The following EMG1 variants were observed in gnomAD, a reference collection of about 807,000 sequenced individuals.
EMG1 encodes the protein ribosomal RNA small subunit methyltransferase NEP1.
Under a neutral mutation model 26.9 loss-of-function variants are expected in EMG1, and 24 were observed. That is an observed-to-expected ratio of 0.89 (90% CI 0.65 to 1.26). The LOEUF is 1.26. Ranked by LOEUF, EMG1 falls within the 50% of genes most tolerant of loss-of-function variation. The pLI, the probability that EMG1 is intolerant of heterozygous loss-of-function variation, is 0.00. For synonymous variants in EMG1, 140 were observed against 112.6 expected (o/e 1.24, Z -1.54); for missense variants, 299 against 307.6 (o/e 0.97, Z 0.21).
At chr12:6,983,358 A>G, downstream of EMG1, 1 of 979,916 alleles carries the variant, frequency 1.0e-6, no homozygotes, top group South Asian at 1.4e-5. Flanking sequence ...GATTCTCTCA[A>G]GGAAATTTTG....
Position 6,978,519 on chromosome 12 carries a change from T to C in EMG1, c.*2710T>C, listed in dbSNP as rs73264617. 13,183 of 1,611,936 alleles carry C rather than the reference T, an allele frequency of 8.2e-3. 761 individuals are homozygous for C. The African/African-American group carries it at 0.13, about 16-fold the overall frequency. On this transcript the variant is annotated 3_prime_UTR_variant, in exon 6 of 6. Transcript: ENST00000599672. ...ATGCATACTCCTTCCTGAGAGGGAA[T>C]AGCTCAGTTAGGGCTCTTGCCACTC... is the stretch of plus-strand genomic sequence containing the variant.
At position 6,975,761 on chromosome 12, in the gene EMG1, C is replaced by G. The variant is rs782280350; in HGVS notation, c.687C>G (p.Thr229=). 20 of 1,613,558 alleles carry G rather than the reference C, an allele frequency of 1.2e-5. No homozygotes were observed. In the South Asian group the frequency reaches 2.2e-4, roughly 18 times the overall value. ...ISNYPLSAAL[T]CAKLTTAFEE... is the part of the protein sequence containing the mutation. ...ACTACCCCCTTTCTGCTGCCCTCAC[C>G]TGTGCAAAACTTACCACAGCCTTTG... The change falls in exon 6 of 6, where the codon ACC becomes ACG. Residue 229 remains threonine, a synonymous_variant. Transcript: ENST00000599672.
Position 6,987,701 on chromosome 12 carries a change from C to A in EMG1, c.*155-81C>A, listed in dbSNP as rs782392165. ...TCTCTTTAAGCATGAAAACCCTTAA[C>A]CATTTGGAATGCTCGAAATTAAAAA... On this transcript the variant is annotated intron_variant and NMD_transcript_variant, in intron 6 of 7. Transcript: ENST00000261406. The surrounding 1 kb of genome is among the most constrained non-coding windows in gnomAD (Gnocchi z 4.1). The A allele has an allele frequency of 5.0e-6, 2 of 398,794 alleles. No homozygotes were observed. The highest frequency in any genetic ancestry group is 4.2e-4 in the Middle Eastern group (1 of 2,354). The allele number at this position is 398,794 out of a possible 1,614,324, so 24.7% of individuals were successfully genotyped here.
At chr12:6,982,756 A>G, downstream of EMG1, 1 of 1,613,866 alleles carries the variant, frequency 6.2e-7, no homozygotes, top group Non-Finnish European at 8.5e-7. Context: ...AGCACAATAC[A>G]CAGCAGGGAG....
downstream of EMG1, among the ~76,000 whole-genome samples, chr12:6,982,190 G>C (rs1482716519): frequency 6.6e-6 from 1 of 152,056 alleles, no homozygotes; most frequent in African/African-American, 2.4e-5. Flanking sequence ...ATGTTGCCCA[G>C]GCTGGAGGGC....
chr12:6,988,034 C>T, intron 7 of EMG1: 1 of 384,022 alleles, frequency 2.6e-6, no homozygotes, highest in South Asian at 1.5e-4. Context: ...GAAACCATAA[C>T]CTTATTTTAA....
chr12:6,997,379 A>ATGTGTGTGTGTGTGTGTG (rs201579525), exon 8 of EMG1: 3 of 114,046 alleles, frequency 2.6e-5, no homozygotes, highest in Non-Finnish European at 5.4e-5. Flanking sequence ...ACAGCAAATT[A>ATGTGTGTGTGTGTGTGTG]TGTGTGTGTG....
chr12:6,971,369 C>T (rs781933675), intron 1 of EMG1, among the ~76,000 whole-genome samples: 1 of 151,850 alleles, frequency 6.6e-6, no homozygotes, highest in East Asian at 1.9e-4. Flanking sequence ...TGCCTCCCGC[C>T]TTCAAACAGT....
In EMG1 at chr12:6,977,702, A is replaced by G. The variant is rs1565596252; in HGVS notation, c.*1893A>G. 6.2e-7 allele frequency: 1 copy of G among 1,614,210 alleles called. No individual in the cohort carries two copies. Among genetic ancestry groups the G allele is most frequent in the East Asian group, 2.2e-5 (1 of 44,888 alleles). On this transcript the variant is annotated 3_prime_UTR_variant, in exon 6 of 6. Transcript: ENST00000599672. The surrounding 1 kb of genome is among the most constrained non-coding windows in gnomAD (Gnocchi z 4.5). ...AGGAATAGCAACGAGAGACCCTGAG[A>G]GAGTTCTTTATTTCCAAGGAACTTG...
downstream of EMG1, chr12:6,983,388 G>C (rs782199078): frequency 7.5e-7 from 1 of 1,330,840 alleles, no homozygotes; most frequent in Non-Finnish European, 1.1e-6. Context: ...GTTCCTTCCA[G>C]GTTCCCACTA....
Position 6,978,146 on chromosome 12 carries a change from CCTT to C in EMG1, c.*2338_*2340del, listed in dbSNP as rs1555153559. 1 of 655,120 alleles carries C rather than the reference CCTT, an allele frequency of 1.5e-6. No individual in the cohort carries two copies. Among genetic ancestry groups the C allele is most frequent in the Admixed American group, 3.1e-5 (1 of 32,024 alleles). 40.6% of individuals were successfully genotyped at this position (655,120 alleles called of 1,614,324 possible). On this transcript the variant is annotated 3_prime_UTR_variant, in exon 6 of 6. Transcript: ENST00000599672. ...GGTCTTAACGCACTTTTATATCTTG[CCTT>C]TTTTTCAAATATGACAGTAATGGTT...
At chr12:6,994,357 A>G (rs1946617331) in intron 7 of EMG1, among the ~76,000 whole-genome samples, 1 of 152,028 alleles carries the variant, frequency 6.6e-6, no homozygotes, top group Non-Finnish European at 1.5e-5. Flanking sequence ...ACAGGTGTGC[A>G]CCACCATGCC....
chr12:6,977,608 A>C lies in EMG1; in HGVS notation c.*1799A>C. 6.2e-7 allele frequency: 1 copy of C among 1,614,152 alleles called. No individual in the cohort carries two copies. Among genetic ancestry groups the C allele is most frequent in the Non-Finnish European group, 8.5e-7 (1 of 1,180,026 alleles). On this transcript the variant is annotated 3_prime_UTR_variant, in exon 6 of 6. Coordinates refer to ENST00000599672, the MANE Select transcript of EMG1 (RefSeq NM_006331.8). This position sits in a 1 kb window ranked among gnomAD's most constrained non-coding sequence, Gnocchi z 4.5. ...ACCCTGGAGGCCTACCTGTCTTTCC[A>C]CAATAACAATGAGGAATTCCATCTG...
Position 6,971,038 on chromosome 12 carries a change from G to A in EMG1, c.115G>A (p.Gly39Arg). 5.0e-6 allele frequency: 8 copies of A among 1,611,550 alleles called. No individual in the cohort carries two copies. The highest frequency in any genetic ancestry group is 5.9e-6 in the Non-Finnish European group (7 of 1,178,838). The change falls in exon 1 of 6, where the codon GGA (glycine) becomes AGA (arginine). Residue 39 changes from glycine (G) to arginine (R), a missense_variant. By Grantham distance (125) the Gly-to-Arg change is moderately radical. Coordinates refer to ENST00000599672, the MANE Select transcript of EMG1 (RefSeq NM_006331.8). ...RPRLGAGNKI[G>R]GRRLIVVLEG... ...CCGACTAGGGGCAGGAAACAAGATC[G>A]GAGGCCGTAGGCTTATTGTGGTGCT...
chr12:6,978,500 A>T lies in EMG1; in HGVS notation c.*2691A>T. 2 of 1,612,288 alleles carry T rather than the reference A, an allele frequency of 1.2e-6. No homozygotes were observed. Among genetic ancestry groups the T allele is most frequent in the Non-Finnish European group, 1.7e-6 (2 of 1,178,826 alleles). On this transcript the variant is annotated 3_prime_UTR_variant, in exon 6 of 6. Coordinates refer to ENST00000599672, the MANE Select transcript of EMG1 (RefSeq NM_006331.8). ...GAAGCCCAGGCCCGTCAAAATGCATACTCCTTCCTGAGAGGGAATAGCTCA... is the reference window on the plus strand; with the variant it reads ...GAAGCCCAGGCCCGTCAAAATGCATTCTCCTTCCTGAGAGGGAATAGCTCA...
intron 6 of EMG1, among the ~76,000 whole-genome samples, chr12:6,986,890 G>A (rs1255222313): frequency 6.6e-6 from 1 of 151,950 alleles, no homozygotes; most frequent in Non-Finnish European, 1.5e-5. Flanking sequence ...TAGGCGGGTG[G>A]GTCGCCTGAG....
intron 5 of EMG1, 67 bp from the exon 6 acceptor site, chr12:6,975,629 G>A (rs880001003): frequency 1.8e-6 from 2 of 1,141,442 alleles, no homozygotes; most frequent in South Asian, 1.2e-5. Context: ...TAGTTTTCCT[G>A]CCCTAAAGAA....
Position 6,977,771 on chromosome 12 carries a change from C to T in EMG1, c.*1962C>T. The T allele has an allele frequency of 6.2e-7, 1 of 1,613,234 alleles. No homozygotes were observed. Among genetic ancestry groups the T allele is most frequent in the Non-Finnish European group, 8.5e-7 (1 of 1,179,728 alleles). ...CTGGAGAAAAGGGTGGGTGGGGCGACCCTCAAACTGACTGGTCCTTGCATC... is the reference window on the plus strand; with the variant it reads ...CTGGAGAAAAGGGTGGGTGGGGCGATCCTCAAACTGACTGGTCCTTGCATC... On this transcript the variant is annotated 3_prime_UTR_variant, in exon 6 of 6. Transcript: ENST00000599672. This position sits in a 1 kb window ranked among gnomAD's most constrained non-coding sequence, Gnocchi z 4.5.
downstream of EMG1, chr12:6,981,547 T>C (rs1555154064): frequency 3.8e-6 from 6 of 1,595,090 alleles, no homozygotes; most frequent in Non-Finnish European, 5.2e-6. Context: ...ACTTTTTTCT[T>C]CCCTTTCATT....
Sources: allele counts gnomAD v4.1 joint callset (sites outside exome capture counted in the v4.1 genomes callset), GRCh38; gene constraint gnomAD v4.1.1; non-coding constraint Gnocchi (gnomAD v3.1); transcripts MANE v1.5; gene names NCBI Gene and HGNC (gene_info 2026-07-23, HGNC 2026-07-21).